Variants in PDXDC1 observed in about 807,000 individuals in gnomAD.
The protein encoded by PDXDC1 is pyridoxal-dependent decarboxylase domain-containing protein 1.
Under a neutral mutation model 100.1 loss-of-function variants are expected in PDXDC1, and 42 were observed. The observed-to-expected ratio is 0.42, with a 90% CI of 0.33 to 0.54. The LOEUF (loss-of-function observed/expected upper bound fraction) is 0.54, where lower values mean the gene tolerates loss of function less well. Ranked by LOEUF, PDXDC1 falls within the 20% of genes least tolerant of loss-of-function variation. The pLI is 0.10. For missense variants in PDXDC1, 636 were observed against 979.2 expected (o/e 0.65, Z 4.68); for synonymous variants, 260 against 371.7 (o/e 0.70, Z 3.46).
chr16:15,040,298 C>A, downstream of PDXDC1: 1 of 416,708 alleles, frequency 2.4e-6, no homozygotes. Context: ...TGTTCTAAAC[C>A]AAGAGCTGCT....
chr16:14,987,969 T>G (rs1411458252), intron 1 of PDXDC1, among the ~76,000 whole-genome samples: 2 of 150,946 alleles, frequency 1.3e-5, no homozygotes, highest in Admixed American at 6.7e-5. Flanking sequence ...CTAATAGACA[T>G]CTTTATACAT....
At position 15,132,917 on chromosome 16, in the gene PDXDC1, G is replaced by A. The variant is rs1487289616; in HGVS notation, c.1400-5962G>A. On this transcript the variant is annotated intron_variant, in intron 16 of 16. Transcript: ENST00000535621. ...ACAGCAAGCTGTCAGCAGGGCAGGA[G>A]ACCGGCAGGAGGCCAGCAGATGCCC... The A allele has an allele frequency of 5.0e-6, 8 of 1,585,624 alleles. No homozygotes were observed. In the Admixed American group the frequency reaches 1.0e-4, roughly 20 times the overall value.
At chr16:14,975,568 T>G (rs1336695459) in intron 1 of PDXDC1, 2 of 985,366 alleles carry the variant, frequency 2.0e-6, no homozygotes, top group African/African-American at 1.7e-5. Context: ...CCGGGAGCTC[T>G]CCGTTGGCGG....
intron 16 of PDXDC1, among the ~76,000 whole-genome samples, chr16:15,069,610 TCA>T (rs2045136631): frequency 6.6e-6 from 1 of 152,204 alleles, no homozygotes; most frequent in South Asian, 2.1e-4. Flanking sequence ...AAACCTGGCT[TCA>T]GTTTTCTAAT....
At chr16:15,079,171 A>C (rs906436439) in intron 16 of PDXDC1, among the ~76,000 whole-genome samples, 1 of 151,418 alleles carries the variant, frequency 6.6e-6, no homozygotes, top group Non-Finnish European at 1.5e-5. Flanking sequence ...ACAGGGAGCA[A>C]AGTTGAAGGA....
intron 16 of PDXDC1, chr16:15,061,926 A>T (rs768365166): frequency 6.3e-7 from 1 of 1,597,956 alleles, no homozygotes; most frequent in South Asian, 1.1e-5. Flanking sequence ...ATCAGAAATC[A>T]TCAGTAACAT....
intron 3 of PDXDC1, 21 bp from the exon 4 acceptor site, chr16:15,001,752 CCAT>C (rs1358702826): frequency 2.0e-5 from 31 of 1,587,756 alleles, no homozygotes; most frequent in Non-Finnish European, 2.7e-5. Flanking sequence ...TCCCATCAGC[CCAT>C]CAACTCTTTT....
At chr16:14,985,605 G>C (rs1969190849) in intron 1 of PDXDC1, among the ~76,000 whole-genome samples, 1 of 152,266 alleles carries the variant, frequency 6.6e-6, no homozygotes, top group African/African-American at 2.4e-5. Flanking sequence ...ATAATTTTCC[G>C]TTAGCTTTTT....
At chr16:15,054,053 T>G (rs575216273) in intron 16 of PDXDC1, among the ~76,000 whole-genome samples, 96 of 152,230 alleles carry the variant, frequency 6.3e-4, no homozygotes, top group Non-Finnish European at 1.2e-3. Flanking sequence ...TTACTTTCCA[T>G]GCTTCCCCTC....
At chr16:15,032,096 T>C in intron 17 of PDXDC1, 190 bp downstream of exon 17, 1 of 592,752 alleles carries the variant, frequency 1.7e-6, no homozygotes, top group Non-Finnish European at 3.0e-6. Flanking sequence ...AGCGTGGCGC[T>C]CAGGGAGGGG....
intron 16 of PDXDC1, among the ~76,000 whole-genome samples, chr16:15,123,036 G>A (rs1318844489): frequency 1.5e-4 from 23 of 150,696 alleles, no homozygotes; most frequent in East Asian, 8.0e-4. Context: ...CAGGACACGC[G>A]GGGCAAGGGA....
At chr16:15,131,057 G>A (rs1351457189) in intron 16 of PDXDC1, 1 of 1,583,668 alleles carries the variant, frequency 6.3e-7, no homozygotes. Flanking sequence ...AAGGCCAGGG[G>A]GCCGCGTGTG....
At chr16:15,093,786 C>T (rs1400995429) in intron 16 of PDXDC1, among the ~76,000 whole-genome samples, 1 of 152,114 alleles carries the variant, frequency 6.6e-6, no homozygotes, top group African/African-American at 2.4e-5. Context: ...CCATGAGTGA[C>T]GACGTTCGGC....
At chr16:15,141,818 G>A (rs1389713452), downstream of PDXDC1, among the ~76,000 whole-genome samples, 1 of 152,320 alleles carries the variant, frequency 6.6e-6, no homozygotes, top group East Asian at 1.9e-4. Context: ...GGGTGAGGCA[G>A]CTGGACTCAC....
At chr16:15,131,501 G>A in intron 16 of PDXDC1, 2 of 1,607,700 alleles carry the variant, frequency 1.2e-6, no homozygotes, top group South Asian at 2.2e-5. Context: ...AGGCTCCGCG[G>A]GTCCGAGCGC....
downstream of PDXDC1, chr16:15,038,459 AG>A: frequency 1.5e-6 from 1 of 667,252 alleles, no homozygotes; most frequent in South Asian, 1.9e-5. Flanking sequence ...GCATCCAAAA[AG>A]TTACTACCCG....
chr16:15,085,971 C>T (rs917878692), intron 16 of PDXDC1, among the ~76,000 whole-genome samples: 2 of 152,134 alleles, frequency 1.3e-5, no homozygotes, highest in African/African-American at 4.8e-5. Flanking sequence ...AATCTAGACA[C>T]CTCCATAGGG....
intron 16 of PDXDC1, chr16:15,136,002 G>T: frequency 6.5e-7 from 1 of 1,546,026 alleles, no homozygotes; most frequent in Non-Finnish European, 8.8e-7. Flanking sequence ...TGCAGTGCTC[G>T]GCTGTGGCTG....
At chr16:15,111,688 G>T (rs2047072520) in intron 16 of PDXDC1, among the ~76,000 whole-genome samples, 1 of 132,394 alleles carries the variant, frequency 7.6e-6, no homozygotes, top group East Asian at 2.2e-4. Flanking sequence ...AACCCAAGAG[G>T]CAGAGGTTGC....
Sources: gnomAD v4.1 joint callset for allele counts (sites outside exome capture counted in the v4.1 genomes callset) on GRCh38, gnomAD v4.1.1 for gene constraint, MANE v1.5 for transcripts, NCBI Gene and HGNC (gene_info 2026-07-23, HGNC 2026-07-21) for gene names.